Variants in STRN3 observed in about 807,000 individuals in gnomAD.
The protein encoded by STRN3 is striatin-3.
Under a neutral mutation model 95.6 loss-of-function variants are expected in STRN3, and 29 were observed. That is an observed-to-expected ratio of 0.30 (90% CI 0.23 to 0.41). The LOEUF is 0.41. Ranked by LOEUF, STRN3 falls within the 10% of genes least tolerant of loss-of-function variation. STRN3 has a pLI of 1.00. For synonymous variants in STRN3, 331 were observed against 357.6 expected, an observed-to-expected ratio of 0.93 and a Z score of 0.84; for missense variants, 890 against 972.1, an observed-to-expected ratio of 0.92 and a Z score of 1.12.
rs147768621 is a variant in STRN3, at chr14:31,012,999, C to A, written c.282+12905G>T. ...GTAGGGAGGGCATAGTGGTTCATGCCTATAATCCCAGCACTTTGAGAGGCT... is the reference window on the plus strand; with the variant it reads ...GTAGGGAGGGCATAGTGGTTCATGCATATAATCCCAGCACTTTGAGAGGCT... On this transcript the variant is annotated intron_variant, in intron 1 of 17. Coordinates refer to ENST00000357479, the MANE Select transcript of STRN3 (RefSeq NM_001083893.2). Among the ~76,000 whole-genome samples, 291 of 152,182 alleles carry A rather than the reference C, an allele frequency of 1.9e-3. 2 individuals are homozygous for A. The highest frequency in any genetic ancestry group is 6.9e-3 in the African/African-American group (286 of 41,520).
chr14:30,934,872 T>C (rs561020880), intron 7 of STRN3, among the ~76,000 whole-genome samples: 63 of 152,264 alleles, frequency 4.1e-4, no homozygotes, highest in Non-Finnish European at 2.6e-4. Context: ...TTTTTAAAAA[T>C]TGACTAAAGG....
chr14:31,015,876 G>A (rs1305607698), intron 1 of STRN3, among the ~76,000 whole-genome samples: 2 of 152,212 alleles, frequency 1.3e-5, no homozygotes, highest in East Asian at 1.9e-4. Flanking sequence ...ATGGATCACC[G>A]TAGCCACAAC....
At chr14:30,908,201 G>GA (rs374407778) in intron 13 of STRN3, among the ~76,000 whole-genome samples, 23 of 151,774 alleles carry the variant, frequency 1.5e-4, no homozygotes, top group African/African-American at 4.6e-4. Flanking sequence ...TTACCATAGT[G>GA]AAAAAAAACT....
At chr14:30,934,144 T>TA (rs1012895922) in intron 7 of STRN3, among the ~76,000 whole-genome samples, 3 of 152,122 alleles carry the variant, frequency 2.0e-5, no homozygotes, top group African/African-American at 7.2e-5. Flanking sequence ...GCCAACAAGG[T>TA]AAAACCCCGC....
rs1394832723 is a variant in STRN3 at position 30,929,971 on chromosome 14, A to AAAAAAAC, written c.989-661_989-660insGTTTTTT. Among the ~76,000 whole-genome samples, 3 of 149,816 alleles carry AAAAAAAC rather than the reference A, an allele frequency of 2.0e-5. 1 individual carries two copies. The highest frequency in any genetic ancestry group is 4.2e-4 in the South Asian group (2 of 4,752). On this transcript the variant is annotated intron_variant, in intron 7 of 17. Coordinates refer to ENST00000357479, the MANE Select transcript of STRN3 (RefSeq NM_001083893.2). ...AAGATTAGCAAAAAAAAAAAAAAAAAAAAAAAAACTCAAATTCCACTGAAG... is the reference window on the plus strand; with the variant it reads ...AAGATTAGCAAAAAAAAAAAAAAAAAAAAAAACAAAAAAAACTCAAATTCCACTGAAG...
At chr14:30,972,618 T>C (rs527385024) in intron 1 of STRN3, among the ~76,000 whole-genome samples, 100 of 151,586 alleles carry the variant, frequency 6.6e-4, no homozygotes, top group Non-Finnish European at 1.3e-3. Context: ...CTAGGCAACA[T>C]GGCAAGACTC....
At chr14:30,959,941 A>G (rs1281040212) in intron 1 of STRN3, among the ~76,000 whole-genome samples, 4 of 152,232 alleles carry the variant, frequency 2.6e-5, no homozygotes, top group African/African-American at 9.6e-5. Flanking sequence ...TTTTACCCAA[A>G]TTGACTGACA....
chr14:30,956,546 C>T (rs774160517), intron 1 of STRN3, among the ~76,000 whole-genome samples: 2 of 152,098 alleles, frequency 1.3e-5, no homozygotes, highest in Admixed American at 1.3e-4. Context: ...CCTAGCTACT[C>T]GAGGCTGAGG....
chr14:30,922,751 TATTTA>T (rs761962273), intron 8 of STRN3, among the ~76,000 whole-genome samples: 2 of 152,050 alleles, frequency 1.3e-5, no homozygotes, highest in Admixed American at 6.5e-5. Context: ...TTCACAGCTT[TATTTA>T]ATTTATTTAA....
intron 3 of STRN3, among the ~76,000 whole-genome samples, chr14:30,953,203 T>C (rs912291765): frequency 7.9e-5 from 12 of 152,176 alleles, no homozygotes; most frequent in African/African-American, 2.9e-4. Context: ...ATCAAGTGTA[T>C]AGCTCAAGGA....
chr14:30,937,757 C>T (rs1481636928), intron 5 of STRN3, among the ~76,000 whole-genome samples: 1 of 152,054 alleles, frequency 6.6e-6, no homozygotes, highest in African/African-American at 2.4e-5. Flanking sequence ...ATTAGATTAT[C>T]TCAAATGTTT....
At chr14:30,945,113 T>C (rs1879295291) in intron 5 of STRN3, among the ~76,000 whole-genome samples, 1 of 152,196 alleles carries the variant, frequency 6.6e-6, no homozygotes, top group South Asian at 2.1e-4. Context: ...GCTTAACTCC[T>C]TGTATTTATC....
chr14:31,000,923 A>T (rs1391033145), intron 1 of STRN3, among the ~76,000 whole-genome samples: 1 of 152,132 alleles, frequency 6.6e-6, no homozygotes, highest in Non-Finnish European at 1.5e-5. Flanking sequence ...AGAAAAGGGG[A>T]TGTGTGTGCA....
rs1229698201 is a variant in STRN3 at position 30,957,757 on chromosome 14, GA to G, written c.283-1516del. Among the ~76,000 whole-genome samples the G allele has an allele frequency of 5.9e-5, 9 of 152,192 alleles. No homozygotes were observed. In the South Asian group the frequency reaches 1.5e-3, roughly 25 times the overall value. ...CCACCTCACACTAAAGAATAATGTT[GA>G]AAGAGACTGGCATCTGTCTGGGGAC... On this transcript the variant is annotated intron_variant, in intron 1 of 17. Coordinates refer to ENST00000357479, the MANE Select transcript of STRN3 (RefSeq NM_001083893.2).
At chr14:30,916,424 G>A (rs1442104735) in intron 9 of STRN3, among the ~76,000 whole-genome samples, 3 of 151,602 alleles carry the variant, frequency 2.0e-5, no homozygotes, top group African/African-American at 7.3e-5. Flanking sequence ...ACAGGCGCCC[G>A]CCACCACGCC....
rs113893240 is a variant in STRN3 at position 30,908,421 on chromosome 14, T to G, written c.1721-1377A>C. ...ACTTTTCTTTGATGATACAAAACAT[T>G]TTGTTGTTGTTCCCATTATATTGCT... On this transcript the variant is annotated intron_variant, in intron 13 of 17. Coordinates refer to ENST00000357479, the MANE Select transcript of STRN3 (RefSeq NM_001083893.2). Among the ~76,000 whole-genome samples, 242 of 152,274 alleles carry G rather than the reference T, an allele frequency of 1.6e-3. 1 individual carries two copies. The highest frequency in any genetic ancestry group is 5.2e-3 in the African/African-American group (214 of 41,548).
At chr14:31,002,429 C>A (rs1391982183) in intron 1 of STRN3, among the ~76,000 whole-genome samples, 9 of 147,126 alleles carry the variant, frequency 6.1e-5, no homozygotes, top group African/African-American at 2.0e-4. Flanking sequence ...CAAGATCGCG[C>A]CACTGCACTC....
chr14:30,924,208 T>C (rs2139031067), intron 8 of STRN3, among the ~76,000 whole-genome samples: 1 of 79,002 alleles, frequency 1.3e-5, no homozygotes, highest in Admixed American at 1.7e-4. Flanking sequence ...TTTTCTGAAC[T>C]ACTCAAAAAA....
At chr14:31,025,686 C>A (rs957961694) in intron 1 of STRN3, 1 of 711,992 alleles carries the variant, frequency 1.4e-6, no homozygotes, top group Non-Finnish European at 2.2e-6. Flanking sequence ...GAGGCCCGCA[C>A]CGCGTAGCCA....
Sources: allele counts gnomAD v4.1 joint callset (sites outside exome capture counted in the v4.1 genomes callset), GRCh38; gene constraint gnomAD v4.1.1; transcripts MANE v1.5; gene names NCBI Gene and HGNC (gene_info 2026-07-23, HGNC 2026-07-21).